Variants in KSR2 observed in about 807,000 individuals in gnomAD.
KSR2 encodes kinase suppressor of ras 2.
Under a neutral mutation model 107.8 loss-of-function variants are expected in KSR2, and 25 were observed. That is an observed-to-expected ratio of 0.23 (90% CI 0.17 to 0.32). The LOEUF is 0.32. Ranked by LOEUF, KSR2 falls within the 10% of genes least tolerant of loss-of-function variation. KSR2 has a pLI of 1.00. For synonymous variants in KSR2, 480 were observed against 507.0 expected (o/e 0.95, Z 0.71); for missense variants, 887 against 1,268.9 (o/e 0.70, Z 4.57).
chr12:117,845,259 G>C (rs1160416167), intron 3 of KSR2, among the ~76,000 whole-genome samples: 1 of 152,194 alleles, frequency 6.6e-6, no homozygotes, highest in African/African-American at 2.4e-5. Context: ...ACTAGGTTTT[G>C]AAGTGCAGGT....
At chr12:117,864,225 A>G (rs1893401557) in intron 1 of KSR2, among the ~76,000 whole-genome samples, 1 of 152,158 alleles carries the variant, frequency 6.6e-6, no homozygotes, top group South Asian at 2.1e-4. Flanking sequence ...CAATGGCCCA[A>G]TGAAGTGGGG....
intron 3 of KSR2, among the ~76,000 whole-genome samples, chr12:117,794,323 T>A (rs111068564): frequency 0.25 from 4,544 of 18,394 alleles, 1,254 homozygotes; most frequent in African/African-American, 0.48. Flanking sequence ...CAACATGCAC[T>A]CACACCAACA....
At chr12:117,485,933 T>A (rs1872437508) in intron 14 of KSR2, among the ~76,000 whole-genome samples, 1 of 152,180 alleles carries the variant, frequency 6.6e-6, no homozygotes, top group Non-Finnish European at 1.5e-5. Flanking sequence ...ACCCACAGAA[T>A]CTAGCCTAGT....
intron 9 of KSR2, among the ~76,000 whole-genome samples, chr12:117,542,551 T>A (rs189336923): frequency 2.5e-3 from 383 of 152,288 alleles, no homozygotes; most frequent in African/African-American, 8.6e-3. Context: ...TGCCCGTTTA[T>A]AGCCATACCC....
intron 3 of KSR2, among the ~76,000 whole-genome samples, chr12:117,824,122 C>A (rs1891654734): frequency 6.6e-6 from 1 of 152,124 alleles, no homozygotes; most frequent in Non-Finnish European, 1.5e-5. Flanking sequence ...AACTGGAGGT[C>A]ATTTTGTTCA....
intron 5 of KSR2, among the ~76,000 whole-genome samples, chr12:117,603,055 T>C (rs749299714): frequency 6.6e-6 from 1 of 152,190 alleles, no homozygotes; most frequent in Admixed American, 6.5e-5. Flanking sequence ...TTTCCATCCA[T>C]CTCAATCATG....
chr12:117,537,762 G>A (rs1373925436), intron 10 of KSR2, among the ~76,000 whole-genome samples: 1 of 152,200 alleles, frequency 6.6e-6, no homozygotes, highest in Non-Finnish European at 1.5e-5. Context: ...AGCAGATGGG[G>A]ATAAGGTGGC....
chr12:117,858,467 T>G (rs1212326418), intron 2 of KSR2, among the ~76,000 whole-genome samples: 3 of 151,998 alleles, frequency 2.0e-5, no homozygotes, highest in Admixed American at 2.0e-4. Context: ...GGTGGGGGCC[T>G]GGAGGAATGG....
intron 3 of KSR2, among the ~76,000 whole-genome samples, chr12:117,815,705 A>C (rs1891343414): frequency 6.6e-6 from 1 of 151,926 alleles, no homozygotes. Flanking sequence ...GCGCAGACGC[A>C]GTGGCTCAGG....
intron 18 of KSR2, among the ~76,000 whole-genome samples, chr12:117,470,149 C>A (rs777237563): frequency 1.3e-5 from 2 of 151,278 alleles, no homozygotes; most frequent in Non-Finnish European, 1.5e-5. Flanking sequence ...ATCTATATAT[C>A]CACCCATCTA....
intron 5 of KSR2, among the ~76,000 whole-genome samples, chr12:117,625,187 C>A (rs1357672954): frequency 1.3e-5 from 2 of 150,088 alleles, no homozygotes; most frequent in Non-Finnish European, 3.0e-5. Flanking sequence ...AATTGAATAC[C>A]CTTTATTTCT....
At chr12:117,647,367 C>T (rs188672350) in intron 5 of KSR2, among the ~76,000 whole-genome samples, 6 of 152,266 alleles carry the variant, frequency 3.9e-5, no homozygotes, top group East Asian at 1.9e-4. Context: ...AAGAATTTGG[C>T]CTGAGATGAA....
intron 4 of KSR2, among the ~76,000 whole-genome samples, chr12:117,723,858 T>C (rs1274954604): frequency 6.6e-6 from 1 of 152,246 alleles, no homozygotes; most frequent in Non-Finnish European, 1.5e-5. Flanking sequence ...ATAACATTTA[T>C]TGTGTATTTC....
intron 1 of KSR2, among the ~76,000 whole-genome samples, chr12:117,949,945 A>G (rs1896310708): frequency 6.6e-6 from 1 of 152,114 alleles, no homozygotes; most frequent in South Asian, 2.1e-4. Context: ...ACATATATGG[A>G]AAGAAATGCA....
At chr12:117,844,479 AGTAT>A (rs371187819) in intron 3 of KSR2, among the ~76,000 whole-genome samples, 78,766 of 131,200 alleles carry the variant, frequency 0.6, 21,404 homozygotes, top group Admixed American at 0.7. Context: ...TCCTCTTCTG[AGTAT>A]TTTTTTTTTT....
At chr12:117,778,969 A>T (rs922218080) in intron 3 of KSR2, among the ~76,000 whole-genome samples, 1 of 152,150 alleles carries the variant, frequency 6.6e-6, no homozygotes, top group Non-Finnish European at 1.5e-5. Flanking sequence ...ATCTCCCAAC[A>T]ACTGACTTGG....
chr12:117,712,348 G>A (rs560421124), intron 4 of KSR2, among the ~76,000 whole-genome samples: 2 of 152,292 alleles, frequency 1.3e-5, no homozygotes, highest in South Asian at 4.1e-4. Flanking sequence ...TCAGGCCAAG[G>A]AAGCAGATGG....
At chr12:117,623,768 T>C (rs1882319970) in intron 5 of KSR2, among the ~76,000 whole-genome samples, 1 of 152,248 alleles carries the variant, frequency 6.6e-6, no homozygotes, top group Admixed American at 6.5e-5. Flanking sequence ...CTGGGTCAAA[T>C]GGTAATTCTA....
chr12:117,551,227 C>T (rs1223764407), intron 9 of KSR2, among the ~76,000 whole-genome samples: 1 of 152,066 alleles, frequency 6.6e-6, no homozygotes, highest in Non-Finnish European at 1.5e-5. Flanking sequence ...CCACCCCACT[C>T]TGTCTTCCTC....
Sources: gnomAD v4.1 joint callset for allele counts (sites outside exome capture counted in the v4.1 genomes callset) on GRCh38, gnomAD v4.1.1 for gene constraint, MANE v1.5 for transcripts, NCBI Gene and HGNC (gene_info 2026-07-23, HGNC 2026-07-21) for gene names.